The following FUT1 variants were observed in gnomAD, a reference collection of about 807,000 sequenced individuals.
The protein encoded by FUT1 is fucosyltransferase 1 (H blood group).
For synonymous variants in FUT1, 215 were observed against 208.7 expected (o/e 1.03, Z -0.26); for missense variants, 476 against 492.7 (o/e 0.97, Z 0.32).
At chr19:48,753,294 G>C (rs950599692), upstream of FUT1, 24 of 152,460 alleles carry the variant, frequency 1.6e-4, no homozygotes, top group African/African-American at 5.8e-4. Context: ...GGGAATTCTA[G>C]GGTCCCGTGC....
At chr19:48,753,072 C>T (rs1460394138), upstream of FUT1, 3 of 197,140 alleles carry the variant, frequency 1.5e-5, no homozygotes, top group Non-Finnish European at 2.7e-5. Context: ...GCAGGGCCCC[C>T]GCACCTGGTC....
Position 48,750,204 on chromosome 19 carries a change from A to G in FUT1, c.1078T>C (p.Trp360Arg), listed in dbSNP as rs1164350620. The change falls in exon 2 of 2, where the codon TGG (tryptophan) becomes CGG (arginine). Residue 360 changes from tryptophan (W) to arginine (R), a missense_variant. Trp to Arg is a moderately radical substitution (Grantham distance 101, BLOSUM62 -3). Coordinates refer to ENST00000645652, the MANE Select transcript of FUT1 (RefSeq NM_001384359.1). Reference protein sequence around the residue: ...VGINADLSPLWTLAKP With the variant: ...VGINADLSPLRTLAKP ...GGCTCTCAAGGCTTAGCCAATGTCC[A>G]GAGTGGAGACAAGTCTGCATTAATG... 1.9e-6 allele frequency: 3 copies of G among 1,610,726 alleles called. No individual in the cohort carries two copies. Among genetic ancestry groups the G allele is most frequent in the South Asian group, 2.2e-5 (2 of 90,524 alleles).
At position 48,749,923 on chromosome 19, in the gene FUT1, G is replaced by A. The variant is rs867028094; in HGVS notation, c.*261C>T. On this transcript the variant is annotated 3_prime_UTR_variant, in exon 2 of 2. Transcript: ENST00000645652. Reference sequence around the variant, plus strand: ...CCATCTGGAAGTACTGTAGATATGGGCTGGGAAGAGCAGGTGGGCACTGTG... The same window carrying A: ...CCATCTGGAAGTACTGTAGATATGGACTGGGAAGAGCAGGTGGGCACTGTG... 6 of 526,594 alleles carry A rather than the reference G, an allele frequency of 1.1e-5. No homozygotes were observed. The highest frequency in any genetic ancestry group is 7.6e-5 in the African/African-American group (4 of 52,416). The allele number at this position is 526,594 out of a possible 1,614,324, so 32.6% of individuals were successfully genotyped here.
Position 48,750,830 on chromosome 19 carries a change from G to A in FUT1, c.452C>T (p.Ser151Leu), listed in dbSNP as rs759004558. 1.6e-5 allele frequency: 26 copies of A among 1,613,724 alleles called. No individual in the cohort carries two copies. The East Asian group carries it at 4.5e-4, about 28-fold the overall frequency. Residue 151 changes from serine (S) to leucine (L), a missense_variant, in exon 2 of 2, where the codon TCG (serine) becomes TTG (leucine). Physicochemically the swap from Ser to Leu is moderately radical, Grantham distance 145. Coordinates refer to ENST00000645652, the MANE Select transcript of FUT1 (RefSeq NM_001384359.1). ...WRELQLHDWM[S>L]EEYADLRDPF... ...ATCTCTCAAGTCCGCGTACTCCTCC[G>A]ACATCCAGTCGTGAAGCTGCAGCTC... is the stretch of plus-strand genomic sequence containing the variant.
Position 48,752,363 on chromosome 19 carries a change from TG to T in FUT1, c.-3+126del. ...TCTTGGTTCCTGGAGGAGTAATGGC[TG>T]GGGAGGTGGCGGAGATTCCTAGGGC... On this transcript the variant is annotated intron_variant, in intron 1 of 1. Transcript: ENST00000645652. The surrounding 1 kb of genome is among the most constrained non-coding windows in gnomAD (Gnocchi z 4.3). 2.4e-6 allele frequency: 1 copy of T among 419,354 alleles called. No individual in the cohort carries two copies. The highest frequency in any genetic ancestry group is 3.2e-6 in the Non-Finnish European group (1 of 312,212). 26.0% of individuals were successfully genotyped at this position (419,354 alleles called of 1,614,324 possible).
At position 48,749,333 on chromosome 19, in the gene FUT1, G is replaced by T. The variant is rs2033958856; in HGVS notation, c.*851C>A. 6.7e-6 allele frequency: 1 copy of T among 149,772 alleles called. No individual in the cohort carries two copies. The highest frequency in any genetic ancestry group is 2.5e-5 in the African/African-American group (1 of 40,566). The allele number at this position is 149,772 out of a possible 1,614,324, so 9.3% of individuals were successfully genotyped here. A position where few individuals can be genotyped will look rare whatever the true frequency, so the allele number is the denominator to read the frequency against. ...ATAAATAATTAAAAAAAAAATATCC[G>T]GGCTGGGCACAGTGGCTCATGCCAG... is the stretch of plus-strand genomic sequence containing the variant. On this transcript the variant is annotated 3_prime_UTR_variant, in exon 2 of 2. Coordinates refer to ENST00000645652, the MANE Select transcript of FUT1 (RefSeq NM_001384359.1).
Position 48,752,568 on chromosome 19 carries a change from C to T in FUT1, c.-81G>A, listed in dbSNP as rs993719806. The T allele has an allele frequency of 4.4e-5, 43 of 985,376 alleles. No individual in the cohort carries two copies. Among genetic ancestry groups the T allele is most frequent in the Non-Finnish European group, 4.9e-5 (41 of 829,966 alleles). 61.0% of individuals were successfully genotyped at this position (985,376 alleles called of 1,614,324 possible). On this transcript the variant is annotated 5_prime_UTR_variant, in exon 1 of 2. Transcript: ENST00000645652. This position sits in a 1 kb window ranked among gnomAD's most constrained non-coding sequence, Gnocchi z 4.3. The stretch of plus-strand genomic sequence containing the variant: ...ACCCTCCGCAAAGGCAGGCCACATC[C>T]GGCCGCCCCTGGAACGCCAGGCGTC...
chr19:48,753,344 C>T (rs2034034508), upstream of FUT1: 1 of 152,434 alleles, frequency 6.6e-6, no homozygotes, highest in South Asian at 2.1e-4. Flanking sequence ...ACGAAGGCAA[C>T]CATTCCAAGG....
At position 48,752,486 on chromosome 19, in the gene FUT1, T is replaced by A. The variant is rs946624019; in HGVS notation, c.-3+4A>T. The A allele has an allele frequency of 1.0e-6, 1 of 985,276 alleles. No individual in the cohort carries two copies. Among genetic ancestry groups the A allele is most frequent in the Non-Finnish European group, 1.2e-6 (1 of 829,924 alleles). The allele number at this position is 985,276 out of a possible 1,614,324, so 61.0% of individuals were successfully genotyped here. On this transcript the variant is annotated splice_donor_region_variant and intron_variant, in intron 1 of 1. Coordinates refer to ENST00000645652, the MANE Select transcript of FUT1 (RefSeq NM_001384359.1). The surrounding 1 kb of genome is among the most constrained non-coding windows in gnomAD (Gnocchi z 4.3). The stretch of plus-strand genomic sequence containing the variant: ...AACAACTGAGTGGGGCAGTCCCCAC[T>A]TACCCGAGCTGCTTGCAGGTGGCAG...
In FUT1 at chr19:48,748,793, A is replaced by G. The variant is rs2033946682; in HGVS notation, c.*1391T>C. The G allele has an allele frequency of 6.6e-6, 1 of 152,198 alleles. No homozygotes were observed. The highest frequency in any genetic ancestry group is 2.4e-5 in the African/African-American group (1 of 41,428). The allele number at this position is 152,198 out of a possible 1,614,324, so 9.4% of individuals were successfully genotyped here. A position where few individuals can be genotyped will look rare whatever the true frequency, so the allele number is the denominator to read the frequency against. ...GCCAACTAGAGATGGTTTGTTTTCC[A>G]TCTCAATTTTTCCAGCAATGGTGGA... is the stretch of plus-strand genomic sequence containing the variant. On this transcript the variant is annotated 3_prime_UTR_variant, in exon 2 of 2. Coordinates refer to ENST00000645652, the MANE Select transcript of FUT1 (RefSeq NM_001384359.1).
At chr19:48,752,941 G>T (rs908885343), upstream of FUT1, 22 of 973,876 alleles carry the variant, frequency 2.3e-5, no homozygotes, top group African/African-American at 8.8e-5. This position sits in a 1 kb window ranked among gnomAD's most constrained non-coding sequence, Gnocchi z 4.3. Flanking sequence ...GAGACGGAGC[G>T]CCCAGTTGCA....
rs933782444 is a variant in FUT1, at chr19:48,752,127, A to C, written c.-3+363T>G. Among the ~76,000 whole-genome samples, 2 of 150,612 alleles carry C rather than the reference A, an allele frequency of 1.3e-5. No homozygotes were observed. The highest frequency in any genetic ancestry group is 4.9e-5 in the African/African-American group (2 of 40,782). On this transcript the variant is annotated intron_variant, in intron 1 of 1. Transcript: ENST00000645652. The surrounding 1 kb of genome is among the most constrained non-coding windows in gnomAD (Gnocchi z 4.3). ...CCTGTCTTAAAAAAAAAAAAAAAAA[A>C]AAAAAAAGAAAGTGGTCCAGGTTCC...
rs1217485392 is a variant in FUT1 at position 48,748,930 on chromosome 19, C to G, written c.*1254G>C. ...ATTCTGGGAGGCCAAGGTGGGAGGA[C>G]TGCTTGAGCCCAGGAGTTGAAGAAC... On this transcript the variant is annotated 3_prime_UTR_variant, in exon 2 of 2. Transcript: ENST00000645652. 6.6e-6 allele frequency: 1 copy of G among 152,644 alleles called. No individual in the cohort carries two copies. Among genetic ancestry groups the G allele is most frequent in the East Asian group, 1.9e-4 (1 of 5,194 alleles). The allele number at this position is 152,644 out of a possible 1,614,324, so 9.5% of individuals were successfully genotyped here.
rs2034018206 is a variant in FUT1, at chr19:48,752,375, G to A, written c.-3+115C>T. 1.8e-6 allele frequency: 1 copy of A among 563,084 alleles called. No individual in the cohort carries two copies. The highest frequency in any genetic ancestry group is 8.8e-4 in the Middle Eastern group (1 of 1,136). The allele number at this position is 563,084 out of a possible 1,614,324, so 34.9% of individuals were successfully genotyped here. A position where few individuals can be genotyped will look rare whatever the true frequency, so the allele number is the denominator to read the frequency against. ...GAGGAGTAATGGCTGGGGAGGTGGC[G>A]GAGATTCCTAGGGCCTTAGGAAGAC... On this transcript the variant is annotated intron_variant, in intron 1 of 1. Transcript: ENST00000645652. This position sits in a 1 kb window ranked among gnomAD's most constrained non-coding sequence, Gnocchi z 4.3.
chr19:48,749,356 C>T lies in FUT1; in HGVS notation c.*828G>A, dbSNP rs2033959282. ...CCGGGCTGGGCACAGTGGCTCATGC[C>T]AGTAATCCCAGCACTTTGGGAGGCC... On this transcript the variant is annotated 3_prime_UTR_variant, in exon 2 of 2. Coordinates refer to ENST00000645652, the MANE Select transcript of FUT1 (RefSeq NM_001384359.1). 6.6e-6 allele frequency: 1 copy of T among 151,362 alleles called. No homozygotes were observed. The highest frequency in any genetic ancestry group is 1.5e-5 in the Non-Finnish European group (1 of 67,962). The allele number at this position is 151,362 out of a possible 1,614,324, so 9.4% of individuals were successfully genotyped here.
Position 48,751,189 on chromosome 19 carries a change from G to A in FUT1, c.93C>T (p.Ser31=). The A allele has an allele frequency of 1.2e-6, 2 of 1,614,202 alleles. No individual in the cohort carries two copies. Among genetic ancestry groups the A allele is most frequent in the Non-Finnish European group, 1.7e-6 (2 of 1,180,044 alleles). The change falls in exon 2 of 2, where the codon AGC becomes AGT. Residue 31 remains serine, a synonymous_variant. Coordinates refer to ENST00000645652, the MANE Select transcript of FUT1 (RefSeq NM_001384359.1). The stretch of plus-strand genomic sequence containing the variant: ...TCGACAGGCCTAGGCCATGTGGAAA[G>A]CTGTCTTGATGGATATGGAGGAAGA... ...VIFFLHIHQD[S]FPHGLGLSIL...
At chr19:48,753,402 G>A (rs141358765), upstream of FUT1, 3,699 of 152,498 alleles carry the variant, frequency 0.024, 46 homozygotes, top group Non-Finnish European at 0.037. Context: ...CGTCAGCGGG[G>A]GCCGTGGCTG....
In FUT1 at chr19:48,750,870, G is replaced by A. The variant is rs776843367; in HGVS notation, c.412C>T (p.Arg138Cys). The A allele has an allele frequency of 6.2e-6, 10 of 1,613,696 alleles. No homozygotes were observed. The highest frequency in any genetic ancestry group is 1.6e-4 in the Middle Eastern group (1 of 6,084). ...LPVLAPEVDS[R>C]TPWRELQLHD... is the part of the protein sequence containing the mutation. ...AGCTGCAGCTCCCGCCACGGCGTGCGGCTGTCCACTTCTGGGGCCAGCACG... is the reference window on the plus strand; with the variant it reads ...AGCTGCAGCTCCCGCCACGGCGTGCAGCTGTCCACTTCTGGGGCCAGCACG... The change falls in exon 2 of 2, where the codon CGC (arginine) becomes TGC (cysteine). Residue 138 changes from arginine (R) to cysteine (C), a missense_variant. Physicochemically the swap from Arg to Cys is radical, Grantham distance 180. Transcript: ENST00000645652.
upstream of FUT1, among the ~76,000 whole-genome samples, chr19:48,755,061 G>A (rs1385036552): frequency 1.4e-5 from 2 of 139,944 alleles, no homozygotes; most frequent in Non-Finnish European, 3.0e-5. Flanking sequence ...TCACACCCAC[G>A]AGTCCAGATC....
Sources: gnomAD v4.1 joint callset for allele counts (sites outside exome capture counted in the v4.1 genomes callset) on GRCh38, gnomAD v4.1.1 for gene constraint, Gnocchi (gnomAD v3.1) non-coding constraint, MANE v1.5 for transcripts, NCBI Gene and HGNC (gene_info 2026-07-23, HGNC 2026-07-21) for gene names.